MAP2K2: variants seen among roughly 807,000 people sequenced by gnomAD.
MAP2K2 encodes the protein dual specificity mitogen-activated protein kinase kinase 2.
In MAP2K2, 24 loss-of-function variants were observed where a neutral mutation model predicts 43.7. That is an observed-to-expected ratio of 0.55 (90% CI 0.40 to 0.77). The LOEUF (loss-of-function observed/expected upper bound fraction) is 0.77. Ranked by LOEUF, MAP2K2 falls within the 30% of genes least tolerant of loss-of-function variation. MAP2K2 has a pLI of 0.00. For missense variants in MAP2K2, 470 were observed against 566.8 expected (o/e 0.83, Z 1.73); for synonymous variants, 244 against 239.7 (o/e 1.02, Z -0.17).
intron 3 of MAP2K2, among the ~76,000 whole-genome samples, chr19:4,105,278 T>C (rs2041071842): frequency 6.6e-6 from 1 of 151,676 alleles, no homozygotes; most frequent in Non-Finnish European, 1.5e-5. Context: ...TTCTTTTTTT[T>C]TTTTTCCTGA....
At chr19:4,110,029 C>T (rs972901076) in intron 3 of MAP2K2, among the ~76,000 whole-genome samples, 2 of 152,128 alleles carry the variant, frequency 1.3e-5, no homozygotes, top group African/African-American at 4.8e-5. Context: ...ATTGGCTGGG[C>T]GCGGTGGCTC....
At chr19:4,100,528 C>A (rs1270608569) in intron 6 of MAP2K2, 1 of 162,690 alleles carries the variant, frequency 6.1e-6, no homozygotes, top group Non-Finnish European at 1.3e-5. Flanking sequence ...GAGATCTGGC[C>A]GGGCGTGGTG....
chr19:4,104,265 T>TA (rs565822542), intron 3 of MAP2K2, among the ~76,000 whole-genome samples: 31,131 of 97,192 alleles, frequency 0.32, 4,726 homozygotes, highest in African/African-American at 0.41. Flanking sequence ...ACTCCTCAAT[T>TA]AAAAAAAAAA....
At chr19:4,114,622 CAA>C (rs778521521) in intron 2 of MAP2K2, among the ~76,000 whole-genome samples, 1 of 152,288 alleles carries the variant, frequency 6.6e-6, no homozygotes, top group Non-Finnish European at 1.5e-5. Context: ...ACGGTCAAGC[CAA>C]AAAGACATTT....
intron 9 of MAP2K2, 32 bp from the exon 10 acceptor site, chr19:4,094,530 G>C (rs753404995): frequency 6.4e-7 from 1 of 1,557,312 alleles, no homozygotes; most frequent in African/African-American, 1.4e-5. Flanking sequence ...ACCGGGAGGC[G>C]GTGGAGGAGA....
chr19:4,116,600 T>A (rs966401306), intron 2 of MAP2K2, among the ~76,000 whole-genome samples: 5 of 152,138 alleles, frequency 3.3e-5, no homozygotes, highest in Non-Finnish European at 7.3e-5. Context: ...GTCGTCACTG[T>A]GCAAACACTG....
Position 4,101,949 on chromosome 19 carries a change from C to T in MAP2K2, c.528+427G>A, listed in dbSNP as rs527586212. On this transcript the variant is annotated intron_variant, in intron 4 of 10. Transcript: ENST00000262948. The surrounding 1 kb of genome is among the most constrained non-coding windows in gnomAD (Gnocchi z 6.3). ...TCTACGGAGCAGCTGTGCTGGAGAC[C>T]GGGCAGCAGAGACGCCCTTGGCCCC... 4.6e-5 allele frequency among the ~76,000 whole-genome samples: 7 copies of T among 152,260 alleles called. No individual in the cohort carries two copies. In the South Asian group the frequency reaches 8.3e-4, roughly 18 times the overall value.
chr19:4,106,562 C>G (rs1010863412), intron 3 of MAP2K2, among the ~76,000 whole-genome samples: 1 of 152,130 alleles, frequency 6.6e-6, no homozygotes, highest in Non-Finnish European at 1.5e-5. Flanking sequence ...GCGTGCGCCA[C>G]CATGCCCAGC....
chr19:4,093,266 G>C (rs550231215), intron 10 of MAP2K2, among the ~76,000 whole-genome samples: 57 of 152,262 alleles, frequency 3.7e-4, no homozygotes, highest in African/African-American at 1.3e-3. Flanking sequence ...GGGCTTGGTG[G>C]CACACATCGG....
chr19:4,102,379 G>T lies in MAP2K2; in HGVS notation c.525C>A (p.Ile175=). 6.3e-7 allele frequency: 1 copy of T among 1,599,358 alleles called. No individual in the cohort carries two copies. The highest frequency in any genetic ancestry group is 1.7e-5 in the Admixed American group (1 of 57,794). The stretch of plus-strand genomic sequence containing the variant: ...TGTGGGTCTGCGGTGGACTCACCGC[G>T]ATGCTGACTTTCCCCAGGATCTCCT... ...IPEEILGKVS[I]AVLRGLAYLR... is the part of the protein sequence containing the mutation. Residue 175 remains isoleucine, a synonymous_variant, in exon 4 of 11, where the codon ATC becomes ATA. Coordinates refer to ENST00000262948, the MANE Select transcript of MAP2K2 (RefSeq NM_030662.4).
chr19:4,097,455 C>A (rs2040936086), intron 7 of MAP2K2, 112 bp from the exon 8 acceptor site: 1 of 787,458 alleles, frequency 1.3e-6, no homozygotes, highest in African/African-American at 1.7e-5. Flanking sequence ...CACATGCCAG[C>A]CTAAATTGGA....
intron 3 of MAP2K2, among the ~76,000 whole-genome samples, chr19:4,104,422 G>A (rs2041057925): frequency 6.6e-6 from 1 of 151,994 alleles, no homozygotes; most frequent in Non-Finnish European, 1.5e-5. Context: ...GCGTGGTGGT[G>A]CACGCCTGTA....
chr19:4,123,554 C>CCCCCTGCCCCGCCCTCCCCCGAGGGT (rs2041328207), intron 1 of MAP2K2, among the ~76,000 whole-genome samples: 2 of 56,846 alleles, frequency 3.5e-5, no homozygotes, highest in Non-Finnish European at 6.4e-5. Flanking sequence ...CCTCCGAGGG[C>CCCCCTGCCCCGCCCTCCCCCGAGGGT]CCCCTGCCCC....
Position 4,110,630 on chromosome 19 carries a change from G to A in MAP2K2, c.329C>T (p.Ala110Val), listed in dbSNP as rs746153235. 6.2e-7 allele frequency: 1 copy of A among 1,613,510 alleles called. No individual in the cohort carries two copies. The highest frequency in any genetic ancestry group is 1.1e-5 in the South Asian group (1 of 91,092). The change falls in exon 3 of 11, where the codon GCC (alanine) becomes GTC (valine). Residue 110 changes from alanine (A) to valine (V), a missense_variant. Coordinates refer to ENST00000262948, the MANE Select transcript of MAP2K2 (RefSeq NM_030662.4). ...CTCGCGGATGATCTGGTTCCGGATG[G>A]CCGGCTTGATCTCAAGGTGGATCAG... ...RKLIHLEIKP[A>V]IRNQIIRELQ...
chr19:4,091,370 T>A (rs2040852890), intron 10 of MAP2K2, among the ~76,000 whole-genome samples: 1 of 152,024 alleles, frequency 6.6e-6, no homozygotes, highest in Non-Finnish European at 1.5e-5. Flanking sequence ...TTTTTTTTTT[T>A]AGATGGAGTT....
intron 3 of MAP2K2, chr19:4,102,681 C>A: frequency 9.1e-7 from 1 of 1,093,590 alleles, no homozygotes; most frequent in Non-Finnish European, 1.3e-6. Flanking sequence ...GGTTCCCCCG[C>A]CTCCCGTCCC....
At chr19:4,117,086 G>A (rs985525843) in intron 2 of MAP2K2, among the ~76,000 whole-genome samples, 5 of 152,194 alleles carry the variant, frequency 3.3e-5, no homozygotes, top group Non-Finnish European at 5.9e-5. Flanking sequence ...CACACGCTTC[G>A]TCTTCATCGC....
intron 3 of MAP2K2, among the ~76,000 whole-genome samples, chr19:4,105,825 C>T (rs1051111348): frequency 7.2e-5 from 11 of 152,050 alleles, no homozygotes; most frequent in Non-Finnish European, 7.4e-5. Context: ...AGGCGCGCCA[C>T]CATGTCCTGC....
chr19:4,094,602 G>A, intron 9 of MAP2K2, 104 bp from the exon 10 acceptor site: 2 of 1,089,120 alleles, frequency 1.8e-6, no homozygotes, highest in South Asian at 1.3e-5. Context: ...GTCGGAGGGG[G>A]CCTGGATCTC....
Sources: gnomAD v4.1 joint callset for allele counts (sites outside exome capture counted in the v4.1 genomes callset) on GRCh38, gnomAD v4.1.1 for gene constraint, Gnocchi (gnomAD v3.1) non-coding constraint, MANE v1.5 for transcripts, NCBI Gene and HGNC (gene_info 2026-07-23, HGNC 2026-07-21) for gene names.